The following RALGPS2 variants were observed in gnomAD, a reference collection of about 807,000 sequenced individuals.
The protein encoded by RALGPS2 is Ral GEF with PH domain and SH3 binding motif 2.
In RALGPS2, 43 loss-of-function variants were observed where a neutral mutation model predicts 86.8. The observed-to-expected ratio is 0.50, with a 90% CI of 0.39 to 0.64. RALGPS2 has a LOEUF of 0.64. Among genes scored for constraint, RALGPS2 ranks in the 30% least tolerant of loss-of-function variants. The pLI, the probability that RALGPS2 is intolerant of heterozygous loss-of-function variation, is 0.00. For missense variants in RALGPS2, 536 were observed against 694.6 expected (o/e 0.77, Z 2.57); for synonymous variants, 243 against 231.3 (o/e 1.05, Z -0.46).
intron 8 of RALGPS2, chr1:178,865,875 CTT>C (rs1231779224): frequency 5.6e-6 from 5 of 893,630 alleles, no homozygotes; most frequent in Non-Finnish European, 8.3e-6. Flanking sequence ...AGTCAGTAAT[CTT>C]AAAAACTATC....
chr1:178,777,085 A>G lies in RALGPS2; in HGVS notation c.57+264A>G, dbSNP rs376978790. ...CATCTAGCATTAGGTATATCTCCCA[A>G]TGCTATCCCTCCCCCCTCCCCCCAC... On this transcript the variant is annotated intron_variant, in intron 2 of 19. Coordinates refer to ENST00000367635, the MANE Select transcript of RALGPS2 (RefSeq NM_152663.5). 2.7e-3 allele frequency among the ~76,000 whole-genome samples: 398 copies of G among 145,672 alleles called. 2 individuals carry two copies. The highest frequency in any genetic ancestry group is 9.5e-3 in the African/African-American group (375 of 39,614).
At chr1:178,886,211 G>A in intron 13 of RALGPS2, 91 bp downstream of exon 13, 1 of 1,351,136 alleles carries the variant, frequency 7.4e-7, no homozygotes, top group Non-Finnish European at 1.0e-6. Flanking sequence ...CCCACACACA[G>A]AGAAAATTTG....
chr1:178,764,008 T>C (rs899297123), intron 1 of RALGPS2, among the ~76,000 whole-genome samples: 2 of 152,166 alleles, frequency 1.3e-5, no homozygotes. Context: ...CTGTTAGGTC[T>C]ATTTGATCAA....
chr1:178,784,898 GTTA>G (rs1410881432), intron 3 of RALGPS2, among the ~76,000 whole-genome samples: 1 of 151,814 alleles, frequency 6.6e-6, no homozygotes, highest in Non-Finnish European at 1.5e-5. Context: ...ATATGAAGGT[GTTA>G]TTAGATGAAA....
intron 1 of RALGPS2, among the ~76,000 whole-genome samples, chr1:178,750,673 T>A (rs1247745248): frequency 6.6e-6 from 1 of 152,258 alleles, no homozygotes; most frequent in Non-Finnish European, 1.5e-5. Context: ...TTTTTTGATG[T>A]TCGTATTTAT....
chr1:178,881,372 A>T (rs1323628685), intron 10 of RALGPS2, among the ~76,000 whole-genome samples: 3 of 152,146 alleles, frequency 2.0e-5, no homozygotes, highest in East Asian at 3.9e-4. Flanking sequence ...AAGGAATGGG[A>T]TAAGAAACAG....
intron 1 of RALGPS2, among the ~76,000 whole-genome samples, chr1:178,763,192 C>T (rs886525252): frequency 5.3e-5 from 8 of 152,042 alleles, no homozygotes; most frequent in Admixed American, 6.5e-5. Context: ...TATTCTGTTC[C>T]GTTGGTTTGT....
At chr1:178,793,148 G>A (rs1011474246) in intron 4 of RALGPS2, among the ~76,000 whole-genome samples, 3 of 152,130 alleles carry the variant, frequency 2.0e-5, no homozygotes, top group Non-Finnish European at 4.4e-5. Context: ...AACCATAAGA[G>A]CAAGGAGCCA....
intron 4 of RALGPS2, among the ~76,000 whole-genome samples, chr1:178,788,870 C>G (rs1243271920): frequency 1.0e-5 from 1 of 96,170 alleles, no homozygotes; most frequent in Non-Finnish European, 2.2e-5. Context: ...CTTTTCTTTT[C>G]TTTTCTTTTC....
rs533147290 is a variant in RALGPS2, at chr1:178,743,339, A to G, written c.-84+17920A>G. On this transcript the variant is annotated intron_variant, in intron 1 of 19. Transcript: ENST00000367635. ...ATCATTCACTTCCATTTCTACCTTC[A>G]GGCATTAGAGGAAGAGCAGATTAAA... Among the ~76,000 whole-genome samples the G allele has an allele frequency of 7.9e-5, 12 of 152,358 alleles. 1 individual carries two copies. The South Asian group carries it at 2.5e-3, about 32-fold the overall frequency.
At chr1:178,755,829 C>T (rs1021318938) in intron 1 of RALGPS2, among the ~76,000 whole-genome samples, 39 of 152,206 alleles carry the variant, frequency 2.6e-4, no homozygotes, top group Non-Finnish European at 4.4e-5. Context: ...CTTCCCTTTT[C>T]TCCATAGCCT....
intron 2 of RALGPS2, among the ~76,000 whole-genome samples, chr1:178,782,328 A>G (rs556927652): frequency 1.3e-5 from 2 of 152,140 alleles, no homozygotes; most frequent in Non-Finnish European, 2.9e-5. Flanking sequence ...CACAGTAAAG[A>G]CAGAGAAAAA....
intron 4 of RALGPS2, among the ~76,000 whole-genome samples, chr1:178,802,801 A>G (rs1050675042): frequency 1.9e-4 from 29 of 152,172 alleles, no homozygotes; most frequent in African/African-American, 7.0e-4. Flanking sequence ...ACTTTTTTAA[A>G]TACATTTGTG....
intron 18 of RALGPS2, among the ~76,000 whole-genome samples, chr1:178,903,583 T>C (rs1452287105): frequency 6.6e-6 from 1 of 152,182 alleles, no homozygotes; most frequent in Non-Finnish European, 1.5e-5. Context: ...CTCCCACGTA[T>C]CAGTGAGAAC....
intron 1 of RALGPS2, among the ~76,000 whole-genome samples, chr1:178,742,269 A>G (rs1203468837): frequency 1.3e-5 from 2 of 152,218 alleles, no homozygotes; most frequent in East Asian, 1.9e-4. Context: ...AAGGATGGAA[A>G]AAGATACACC....
intron 8 of RALGPS2, among the ~76,000 whole-genome samples, chr1:178,874,370 C>T (rs1331888864): frequency 2.6e-5 from 4 of 152,048 alleles, no homozygotes; most frequent in Admixed American, 6.5e-5. Context: ...TCAAATACAC[C>T]TCAATTCAGA....
chr1:178,844,813 A>G (rs1328214626), intron 8 of RALGPS2, among the ~76,000 whole-genome samples: 1 of 152,210 alleles, frequency 6.6e-6, no homozygotes, highest in Non-Finnish European at 1.5e-5. Flanking sequence ...AACATCATAA[A>G]TATTCTTTAA....
rs1448029826 is a variant in RALGPS2, at chr1:178,902,167, A to G, written c.1586A>G (p.Asp529Gly). The G allele has an allele frequency of 1.2e-6, 2 of 1,612,986 alleles. No individual in the cohort carries two copies. The highest frequency in any genetic ancestry group is 8.5e-7 in the Non-Finnish European group (1 of 1,179,288). ...VIGWMVMMAD[D>G]PEHPDLFLLT... ...GGATGGATGGTGATGATGGCTGATG[A>G]CCCTGAACATCCTGATCTCTTCCTG... The change falls in exon 18 of 20, where the codon GAC becomes GGC. Residue 529 changes from aspartate (D) to glycine (G), a missense_variant. Physicochemically the swap from Asp to Gly is moderately conservative, Grantham distance 94 (BLOSUM62 -1). Around this residue, in one of 3 missense-constraint regions of RALGPS2, gnomAD observed 309 missense variants for 363.0 expected, o/e 0.85. Coordinates refer to ENST00000367635, the MANE Select transcript of RALGPS2 (RefSeq NM_152663.5).
At chr1:178,740,686 G>A (rs1349234161) in intron 1 of RALGPS2, among the ~76,000 whole-genome samples, 1 of 152,154 alleles carries the variant, frequency 6.6e-6, no homozygotes, top group African/African-American at 2.4e-5. Context: ...AGAGAGGTAT[G>A]GAACATGAGA....
Sources: allele counts gnomAD v4.1 joint callset (sites outside exome capture counted in the v4.1 genomes callset), GRCh38; gene constraint gnomAD v4.1.1; regional missense constraint gnomAD v4.1.1; transcripts MANE v1.5; gene names NCBI Gene and HGNC (gene_info 2026-07-23, HGNC 2026-07-21).